The following CADM2 variants were observed in gnomAD, a reference collection of about 807,000 sequenced individuals.
CADM2 encodes the protein cell adhesion molecule 2.
In CADM2, 12 loss-of-function variants were observed where a neutral mutation model predicts 49.8. The observed-to-expected ratio is 0.24, with a 90% CI of 0.15 to 0.39. The LOEUF is 0.39. CADM2 is among the 10% of genes least tolerant of loss of function. The pLI is 1.00. For missense variants in CADM2, 378 were observed against 492.3 expected, an observed-to-expected ratio of 0.77 and a Z score of 2.20; for synonymous variants, 214 against 175.4, an observed-to-expected ratio of 1.22 and a Z score of -1.74.
At chr3:85,278,654 G>A (rs113496369) in intron 1 of CADM2, among the ~76,000 whole-genome samples, 3 of 150,876 alleles carry the variant, frequency 2.0e-5, no homozygotes, top group African/African-American at 7.3e-5. Flanking sequence ...GATAGTGCAT[G>A]CTCTCTTCTG....
rs567918364 is a variant in CADM2 at position 85,814,595 on chromosome 3, A to T, written c.238+12399A>T. Among the ~76,000 whole-genome samples, 3 of 152,234 alleles carry T rather than the reference A, an allele frequency of 2.0e-5. No homozygotes were observed. In the East Asian group the frequency reaches 5.8e-4, roughly 29 times the overall value. The stretch of plus-strand genomic sequence containing the variant: ...TGAATCCAGGATCTGGTTTTTTGAA[A>T]TGATCAACAAAACAGATAGACTGCT... On this transcript the variant is annotated intron_variant, in intron 3 of 9. Coordinates refer to ENST00000383699, the MANE Select transcript of CADM2 (RefSeq NM_001167675.2).
intron 7 of CADM2, among the ~76,000 whole-genome samples, chr3:85,944,646 A>G: frequency 6.6e-6 from 1 of 152,176 alleles, no homozygotes; most frequent in Non-Finnish European, 1.5e-5. Flanking sequence ...CTACATGGAA[A>G]CTGAACAAAC....
intron 1 of CADM2, among the ~76,000 whole-genome samples, chr3:85,577,053 C>A (rs765295857): frequency 6.6e-6 from 1 of 152,180 alleles, no homozygotes; most frequent in Non-Finnish European, 1.5e-5. Flanking sequence ...TACTAATGAA[C>A]TGGCAAACCT....
At chr3:85,035,261 C>A (rs2035164393) in intron 1 of CADM2, among the ~76,000 whole-genome samples, 1 of 152,044 alleles carries the variant, frequency 6.6e-6, no homozygotes, top group Non-Finnish European at 1.5e-5. Context: ...ATTTTTAAAT[C>A]CGATTATTAG....
chr3:86,066,747 A>C lies in CADM2; in HGVS notation c.1179A>C (p.Gln393His). 6.2e-7 allele frequency: 1 copy of C among 1,613,748 alleles called. No individual in the cohort carries two copies. The highest frequency in any genetic ancestry group is 8.5e-7 in the Non-Finnish European group (1 of 1,179,624). ...DTAIINAEGS[Q>H]VNAEEKKEYF... ...CCATTATCAATGCTGAAGGCAGCCA[A>C]GTCAATGCTGAAGAGAAAAAAGAGT... Residue 393 changes from glutamine to histidine, a missense_variant, in exon 10 of 10, where the codon CAA becomes CAC. Gln to His is a conservative substitution (Grantham distance 24, BLOSUM62 0). Coordinates refer to ENST00000383699, the MANE Select transcript of CADM2 (RefSeq NM_001167675.2).
chr3:85,929,576 A>G (rs1381962568), intron 6 of CADM2, among the ~76,000 whole-genome samples: 2 of 146,904 alleles, frequency 1.4e-5, no homozygotes, highest in East Asian at 4.0e-4. Context: ...GTTTACATGT[A>G]ATCTATTATG....
intron 1 of CADM2, among the ~76,000 whole-genome samples, chr3:85,398,564 A>C (rs546418226): frequency 5.2e-4 from 79 of 152,224 alleles, no homozygotes; most frequent in Admixed American, 1.1e-3. Context: ...AGTTCTAGAT[A>C]CCTGAGGAAT....
At chr3:85,160,092 C>T (rs992196832) in intron 1 of CADM2, among the ~76,000 whole-genome samples, 51 of 152,066 alleles carry the variant, frequency 3.4e-4, no homozygotes, top group African/African-American at 1.1e-3. Flanking sequence ...GTAGCTAAAA[C>T]GGCTTTAAAA....
chr3:85,152,078 G>A (rs940790375), intron 1 of CADM2, among the ~76,000 whole-genome samples: 6 of 152,014 alleles, frequency 3.9e-5, no homozygotes, highest in African/African-American at 1.4e-4. Context: ...AGTGATTTCT[G>A]TCTCATTTCT....
At chr3:85,517,786 G>T (rs1430235558) in intron 1 of CADM2, among the ~76,000 whole-genome samples, 1 of 152,090 alleles carries the variant, frequency 6.6e-6, no homozygotes, top group Non-Finnish European at 1.5e-5. Flanking sequence ...TCCAAATAGT[G>T]GGCAGAATCA....
At chr3:86,031,006 C>T (rs1263031773) in intron 8 of CADM2, among the ~76,000 whole-genome samples, 4 of 151,718 alleles carry the variant, frequency 2.6e-5, no homozygotes, top group Admixed American at 2.0e-4. Flanking sequence ...TAGATTTGGA[C>T]GTTCTTTGAC....
intron 1 of CADM2, among the ~76,000 whole-genome samples, chr3:85,066,540 C>T (rs1204913420): frequency 6.6e-6 from 1 of 152,064 alleles, no homozygotes; most frequent in Non-Finnish European, 1.5e-5. Flanking sequence ...TGCACCTGCA[C>T]GCACACACAC....
intron 1 of CADM2, among the ~76,000 whole-genome samples, chr3:85,013,958 TAC>T (rs1297924489): frequency 3.2e-4 from 47 of 146,060 alleles, no homozygotes; most frequent in Admixed American, 4.9e-4. Context: ...ATATTATATA[TAC>T]GCAGTGTAAT....
chr3:86,057,507 C>T (rs1315263486), intron 8 of CADM2, among the ~76,000 whole-genome samples: 3 of 152,126 alleles, frequency 2.0e-5, no homozygotes, highest in African/African-American at 7.2e-5. Context: ...TGGAATTTAG[C>T]ATAAGAATTT....
intron 1 of CADM2, among the ~76,000 whole-genome samples, chr3:85,420,828 A>C (rs1294541149): frequency 6.6e-6 from 1 of 152,218 alleles, no homozygotes; most frequent in Non-Finnish European, 1.5e-5. Flanking sequence ...GCTGATGCTC[A>C]TTGTACCTAT....
chr3:85,044,392 G>A (rs1213876410), intron 1 of CADM2, among the ~76,000 whole-genome samples: 1 of 152,176 alleles, frequency 6.6e-6, no homozygotes, highest in Non-Finnish European at 1.5e-5. Context: ...TCTGCCAGGT[G>A]ATGATTTGTT....
chr3:85,166,722 T>C (rs910132467), intron 1 of CADM2, among the ~76,000 whole-genome samples: 1 of 151,998 alleles, frequency 6.6e-6, no homozygotes. Context: ...TCTCTGCTTA[T>C]ATCAGTAAGT....
At chr3:85,372,791 C>T (rs1559806532) in intron 1 of CADM2, among the ~76,000 whole-genome samples, 1 of 152,144 alleles carries the variant, frequency 6.6e-6, no homozygotes, top group Non-Finnish European at 1.5e-5. Flanking sequence ...GGAGCAAAGG[C>T]ATGTCTTACA....
chr3:84,975,629 C>A (rs1157435742), intron 1 of CADM2, among the ~76,000 whole-genome samples: 1 of 151,636 alleles, frequency 6.6e-6, no homozygotes. Flanking sequence ...CATAATAAAT[C>A]CCCCTTGCTG....
Sources: allele counts gnomAD v4.1 joint callset (sites outside exome capture counted in the v4.1 genomes callset), GRCh38; gene constraint gnomAD v4.1.1; transcripts MANE v1.5; gene names NCBI Gene and HGNC (gene_info 2026-07-23, HGNC 2026-07-21).